MAPKAP1: variants seen among roughly 807,000 people sequenced by gnomAD.
The protein encoded by MAPKAP1 is MAPK associated protein 1.
In MAPKAP1, 20 loss-of-function variants were observed where a neutral mutation model predicts 65.7. The ratio of observed to expected loss-of-function variants is 0.30; its 90% CI spans 0.21 to 0.44. The LOEUF is 0.44. MAPKAP1 is among the 20% of genes least tolerant of loss of function. The pLI is 1.00. For missense variants in MAPKAP1, 423 were observed against 648.0 expected, an observed-to-expected ratio of 0.65 and a Z score of 3.77; for synonymous variants, 222 against 244.3, an observed-to-expected ratio of 0.91 and a Z score of 0.85.
At chr9:125,561,922 G>A (rs967543143) in intron 5 of MAPKAP1, among the ~76,000 whole-genome samples, 2 of 152,198 alleles carry the variant, frequency 1.3e-5, no homozygotes, top group African/African-American at 4.8e-5. Flanking sequence ...CATCTGAGCA[G>A]CATGTTCTAT....
intron 9 of MAPKAP1, among the ~76,000 whole-genome samples, chr9:125,470,044 A>G (rs1196410702): frequency 6.6e-6 from 1 of 152,154 alleles, no homozygotes; most frequent in Non-Finnish European, 1.5e-5. Flanking sequence ...ACCGTGCTCC[A>G]CATTCTTTTC....
At chr9:125,612,190 A>C (rs1832620324) in intron 4 of MAPKAP1, among the ~76,000 whole-genome samples, 1 of 152,184 alleles carries the variant, frequency 6.6e-6, no homozygotes, top group South Asian at 2.1e-4. Flanking sequence ...GGAGCATTTT[A>C]AACTTCAGAT....
At chr9:125,627,550 G>A (rs1589360654) in intron 4 of MAPKAP1, among the ~76,000 whole-genome samples, 1 of 152,058 alleles carries the variant, frequency 6.6e-6, no homozygotes, top group Non-Finnish European at 1.5e-5. Flanking sequence ...CACTGGAACC[G>A]GAACACATTA....
chr9:125,478,300 T>C (rs1854184879), intron 9 of MAPKAP1: 3 of 152,148 alleles, frequency 2.0e-5, no homozygotes, highest in African/African-American at 7.2e-5. Context: ...AAGTAATCAC[T>C]TCCGTTGTGC....
At chr9:125,672,826 G>A (rs935005196) in intron 1 of MAPKAP1, among the ~76,000 whole-genome samples, 183 bp from the exon 2 acceptor site, 1 of 152,192 alleles carries the variant, frequency 6.6e-6, no homozygotes, top group Admixed American at 6.5e-5. Flanking sequence ...AGGGGCTGCA[G>A]CTCTAGTCAA....
chr9:125,480,689 T>C (rs1329847529), intron 9 of MAPKAP1, among the ~76,000 whole-genome samples: 1 of 152,122 alleles, frequency 6.6e-6, no homozygotes, highest in East Asian at 1.9e-4. Flanking sequence ...TATGCTTCTA[T>C]GGGCCGGGCG....
At chr9:125,514,908 G>A (rs75688349) in intron 7 of MAPKAP1, among the ~76,000 whole-genome samples, 3 of 152,024 alleles carry the variant, frequency 2.0e-5, no homozygotes, top group African/African-American at 4.8e-5. Flanking sequence ...ATCAGAGCTC[G>A]GACCCAACAT....
intron 1 of MAPKAP1, among the ~76,000 whole-genome samples, chr9:125,686,487 T>C (rs1479688179): frequency 1.3e-5 from 2 of 152,222 alleles, no homozygotes; most frequent in Admixed American, 6.5e-5. Flanking sequence ...GTCTGTTAAA[T>C]AGCATGGCTG....
chr9:125,485,018 T>C (rs1854450921), intron 8 of MAPKAP1, among the ~76,000 whole-genome samples: 1 of 152,210 alleles, frequency 6.6e-6, no homozygotes, highest in African/African-American at 2.4e-5. Flanking sequence ...TCTTCTTTAC[T>C]GCCTCTCACC....
rs1191136213 is a variant in MAPKAP1, at chr9:125,698,300, T to TAA, written c.-70+8670_-70+8671insTT. On this transcript the variant is annotated intron_variant, in intron 1 of 11. Coordinates refer to ENST00000265960, the MANE Select transcript of MAPKAP1 (RefSeq NM_001006617.3). ...CATAATATATATAAATATATATATA[T>TAA]ATATATATATATATATATATATATA... 9.5e-3 allele frequency among the ~76,000 whole-genome samples: 154 copies of TAA among 16,144 alleles called. 1 individual carries two copies. The highest frequency in any genetic ancestry group is 0.027 in the Admixed American group (41 of 1,534). The allele number at this position is 16,144 out of a possible 152,430, so 10.6% of individuals were successfully genotyped here.
chr9:125,496,187 T>G (rs925337056), intron 8 of MAPKAP1, among the ~76,000 whole-genome samples: 1 of 152,214 alleles, frequency 6.6e-6, no homozygotes, highest in Non-Finnish European at 1.5e-5. Context: ...TGCGAACCAG[T>G]CCACATTAAC....
At chr9:125,706,209 G>A (rs377512984) in intron 1 of MAPKAP1, among the ~76,000 whole-genome samples, 1 of 151,846 alleles carries the variant, frequency 6.6e-6, no homozygotes, top group South Asian at 2.1e-4. Context: ...TTAACATTAC[G>A]GATCCACCTC....
intron 5 of MAPKAP1, among the ~76,000 whole-genome samples, chr9:125,568,559 A>G (rs1831131820): frequency 6.6e-6 from 1 of 152,052 alleles, no homozygotes; most frequent in Admixed American, 6.5e-5. Context: ...TCTGTTACTC[A>G]GGGCAACCAC....
At chr9:125,658,761 A>G (rs1588046531) in intron 3 of MAPKAP1, among the ~76,000 whole-genome samples, 1 of 152,244 alleles carries the variant, frequency 6.6e-6, no homozygotes, top group South Asian at 2.1e-4. Context: ...ATCAATTGGA[A>G]TATCAATCAA....
intron 1 of MAPKAP1, among the ~76,000 whole-genome samples, chr9:125,678,578 C>T (rs1346664542): frequency 6.6e-6 from 1 of 152,156 alleles, no homozygotes; most frequent in African/African-American, 2.4e-5. Flanking sequence ...TCTCCTTTTA[C>T]ACTTCAAATG....
At chr9:125,569,914 T>C (rs1048768374) in intron 5 of MAPKAP1, among the ~76,000 whole-genome samples, 1 of 152,248 alleles carries the variant, frequency 6.6e-6, no homozygotes, top group South Asian at 2.1e-4. Context: ...TTTTGGTTCA[T>C]GTAACTTTAG....
At chr9:125,700,768 C>G (rs1396750246) in intron 1 of MAPKAP1, among the ~76,000 whole-genome samples, 4 of 152,146 alleles carry the variant, frequency 2.6e-5, no homozygotes, top group Non-Finnish European at 4.4e-5. Flanking sequence ...TGAATGAAAA[C>G]AAGTATCTAC....
chr9:125,476,501 G>T (rs1273948545), intron 9 of MAPKAP1, among the ~76,000 whole-genome samples: 1 of 152,034 alleles, frequency 6.6e-6, no homozygotes, highest in African/African-American at 2.4e-5. Context: ...CTAAGAACAC[G>T]CATGTTCAGA....
intron 7 of MAPKAP1, among the ~76,000 whole-genome samples, chr9:125,533,095 G>A (rs1829978556): frequency 6.6e-6 from 1 of 152,178 alleles, no homozygotes; most frequent in East Asian, 1.9e-4. Context: ...GTGTGTGTAT[G>A]TGTACGCATA....
Sources: gnomAD v4.1 joint callset for allele counts (sites outside exome capture counted in the v4.1 genomes callset) on GRCh38, gnomAD v4.1.1 for gene constraint, MANE v1.5 for transcripts, NCBI Gene and HGNC (gene_info 2026-07-23, HGNC 2026-07-21) for gene names.